Variants in PLCH2 observed in about 807,000 individuals in gnomAD.
The protein encoded by PLCH2 is 1-phosphatidylinositol 4,5-bisphosphate phosphodiesterase eta-2.
Under a neutral mutation model 134.7 loss-of-function variants are expected in PLCH2, and 98 were observed. That is an observed-to-expected ratio of 0.73 (90% CI 0.62 to 0.86). The LOEUF (loss-of-function observed/expected upper bound fraction) is 0.86. Ranked by LOEUF, PLCH2 falls within the 40% of genes least tolerant of loss-of-function variation. The pLI, the probability that PLCH2 is intolerant of heterozygous loss-of-function variation, is 0.00. For synonymous variants in PLCH2, 974 were observed against 827.5 expected, an observed-to-expected ratio of 1.18 and a Z score of -3.04; for missense variants, 1,994 against 1,986.6, an observed-to-expected ratio of 1.00 and a Z score of -0.07.
At chr1:2,502,749 C>T (rs1173424593) in intron 21 of PLCH2, 13 of 716,330 alleles carry the variant, frequency 1.8e-5, no homozygotes, top group Non-Finnish European at 3.1e-5. Context: ...GGCTCCATGT[C>T]CTCGGACTCC....
chr1:2,450,507 C>T (rs12730817), intron 2 of PLCH2, among the ~76,000 whole-genome samples: 1 of 147,868 alleles, frequency 6.8e-6, no homozygotes, highest in African/African-American at 2.5e-5. Flanking sequence ...ATACAGCCTG[C>T]CCCCAACTCC....
intron 2 of PLCH2, among the ~76,000 whole-genome samples, chr1:2,457,358 G>T (rs1640544634): frequency 6.6e-6 from 1 of 152,184 alleles, no homozygotes; most frequent in Non-Finnish European, 1.5e-5. Context: ...GAGTGGCCAG[G>T]GGCTGGGGGG....
At chr1:2,501,976 C>T (rs974313115) in intron 20 of PLCH2, 136 bp from the exon 21 acceptor site, 4 of 757,092 alleles carry the variant, frequency 5.3e-6, no homozygotes, top group Non-Finnish European at 6.0e-6. Flanking sequence ...ACACCCCCAG[C>T]CTGAGGTGGC....
chr1:2,494,855 G>A lies in PLCH2; in HGVS notation c.1660-1G>A. The stretch of plus-strand genomic sequence containing the variant: ...TGTCCCTGTCTCTCCCCTGGACTCA[G>A]AGCAAGGCTGAAGAGGACGTGGAGT... On this transcript the variant is annotated splice_acceptor_variant, in intron 11 of 21. Transcript: ENST00000378486. LOFTEE classifies it high-confidence loss of function. 1.2e-6 allele frequency: 2 copies of A among 1,602,120 alleles called. No individual in the cohort carries two copies. The highest frequency in any genetic ancestry group is 1.7e-5 in the Admixed American group (1 of 58,914).
At chr1:2,463,880 A>C (rs1370233676), upstream of PLCH2, among the ~76,000 whole-genome samples, 3 of 152,272 alleles carry the variant, frequency 2.0e-5, no homozygotes, top group African/African-American at 7.2e-5. Context: ...CTGAAGCCGG[A>C]GAGGCAGTGA....
rs1336517897 is a variant in PLCH2, at chr1:2,491,294, T to TC, written c.1620dup (p.Val541ArgfsTer17). On this transcript the variant is annotated frameshift_variant, in exon 11 of 22. Coordinates refer to ENST00000378486, the MANE Select transcript of PLCH2 (RefSeq NM_014638.4). LOFTEE classifies it high-confidence loss of function. ...GGACTGTGAGGACCCCAACAACTTCTCCGTCTCCACACTGTCCCCATCTGG... is the reference window on the plus strand; with the variant it reads ...GGACTGTGAGGACCCCAACAACTTCTCCCGTCTCCACACTGTCCCCATCTGG... 1 of 1,613,262 alleles carries TC rather than the reference T, an allele frequency of 6.2e-7. No individual in the cohort carries two copies. The highest frequency in any genetic ancestry group is 8.5e-7 in the Non-Finnish European group (1 of 1,179,846).
intron 5 of PLCH2, 44 bp from the exon 6 acceptor site, chr1:2,486,863 G>T: frequency 1.3e-6 from 2 of 1,496,856 alleles, no homozygotes; most frequent in Non-Finnish European, 9.1e-7. Flanking sequence ...GCTATCCCAG[G>T]CCAGGGATGG....
At chr1:2,423,154 G>A (rs1638602077), upstream of PLCH2, among the ~76,000 whole-genome samples, 1 of 150,726 alleles carries the variant, frequency 6.6e-6, no homozygotes, top group African/African-American at 2.4e-5. Flanking sequence ...TTTTGGAGAG[G>A]GTTTTATTTA....
Position 2,444,090 on chromosome 1 carries a change from C to G in PLCH2, c.115+13461C>G, listed in dbSNP as rs1639824892. Among the ~76,000 whole-genome samples the G allele has an allele frequency of 1.3e-5, 2 of 152,170 alleles. No homozygotes were observed. The highest frequency in any genetic ancestry group is 4.8e-5 in the African/African-American group (2 of 41,462). ...GCCGCCTGGGCTTCAGACTCGGGAG[C>G]GGAGGCTCGGATCGCGGTGGCACGG... On this transcript the variant is annotated intron_variant, in intron 2 of 3. Coordinates refer to the PLCH2 transcript ENST00000609981. This position sits in a 1 kb window ranked among gnomAD's most constrained non-coding sequence, Gnocchi z 4.6.
At chr1:2,482,420 T>C (rs1232229306) in intron 4 of PLCH2, among the ~76,000 whole-genome samples, 2 of 152,122 alleles carry the variant, frequency 1.3e-5, no homozygotes, top group Non-Finnish European at 2.9e-5. Context: ...GTGCAGTGAG[T>C]GGGCACCCCC....
intron 2 of PLCH2, among the ~76,000 whole-genome samples, chr1:2,459,790 G>C (rs549048146): frequency 6.6e-6 from 1 of 152,240 alleles, no homozygotes; most frequent in Non-Finnish European, 1.5e-5. Flanking sequence ...CAGTGCTGGC[G>C]CGTGGGGAAT....
At chr1:2,438,010 A>G (rs1236703871) in intron 2 of PLCH2, among the ~76,000 whole-genome samples, 1 of 152,188 alleles carries the variant, frequency 6.6e-6, no homozygotes, top group Non-Finnish European at 1.5e-5. Flanking sequence ...AGGTCCCTCC[A>G]GGCCCGCCTG....
chr1:2,440,274 G>C (rs1386497374), intron 2 of PLCH2, among the ~76,000 whole-genome samples: 1 of 152,164 alleles, frequency 6.6e-6, no homozygotes, highest in Admixed American at 6.5e-5. Context: ...TGGGAGGGCT[G>C]GAGCTGGGGA....
intron 2 of PLCH2, among the ~76,000 whole-genome samples, chr1:2,438,189 G>A (rs1189347661): frequency 6.6e-6 from 1 of 152,252 alleles, no homozygotes; most frequent in Non-Finnish European, 1.5e-5. Flanking sequence ...CCGTGGAAAT[G>A]AGCAAGCGCG....
Position 2,448,869 on chromosome 1 carries a change from C to A in PLCH2, c.115+18240C>A, listed in dbSNP as rs1318877292. Among the ~76,000 whole-genome samples, 1 of 152,236 alleles carries A rather than the reference C, an allele frequency of 6.6e-6. No homozygotes were observed. The highest frequency in any genetic ancestry group is 1.5e-5 in the Non-Finnish European group (1 of 68,042). On this transcript the variant is annotated intron_variant, in intron 2 of 3. Transcript: ENST00000609981. The surrounding 1 kb of genome is among the most constrained non-coding windows in gnomAD (Gnocchi z 4.0). ...TTAGGGAGCGGCTGCTCCTGGTTCC[C>A]AACCACAAGTCACATCACTGCTGCC... is the stretch of plus-strand genomic sequence containing the variant.
At chr1:2,440,478 G>A (rs940484675) in intron 2 of PLCH2, among the ~76,000 whole-genome samples, 4 of 149,858 alleles carry the variant, frequency 2.7e-5, no homozygotes, top group African/African-American at 7.4e-5. Context: ...CATGTCTGTC[G>A]CTGGCCTTGC....
Position 2,504,001 on chromosome 1 carries a change from C to T in PLCH2, c.3039C>T (p.Gly1013=). The change falls in exon 22 of 22, where the codon GGC becomes GGT. Residue 1013 remains glycine, a synonymous_variant. Coordinates refer to ENST00000378486, the MANE Select transcript of PLCH2 (RefSeq NM_014638.4). ...CCATCGCTGAGGAGCCCGCCCCAGG[C>T]CCTGGTCCCCCGCCACCAGCGGCTG... ...LETIAEEPAP[G]PGPPPPAAVP... 1 of 1,523,744 alleles carries T rather than the reference C, an allele frequency of 6.6e-7. No homozygotes were observed. The highest frequency in any genetic ancestry group is 8.9e-7 in the Non-Finnish European group (1 of 1,123,628). The allele number at this position is 1,523,744 out of a possible 1,614,324, so 94.4% of individuals were successfully genotyped here.
chr1:2,432,880 C>T lies in PLCH2; in HGVS notation c.115+2251C>T, dbSNP rs572461458. 1.1e-4 allele frequency among the ~76,000 whole-genome samples: 16 copies of T among 152,292 alleles called. No homozygotes were observed. The East Asian group carries it at 2.5e-3, about 24-fold the overall frequency. On this transcript the variant is annotated intron_variant, in intron 2 of 3. Coordinates refer to the PLCH2 transcript ENST00000609981. ...GAGGCGCCTGGAGGTCTTTCCCGTC[C>T]GTCAGGTGGGGAGGGGTCTGTGGCA...
intron 1 of PLCH2, among the ~76,000 whole-genome samples, chr1:2,468,934 G>C (rs1409442187): frequency 2.0e-5 from 3 of 152,176 alleles, no homozygotes; most frequent in African/African-American, 7.2e-5. Context: ...GGCCTGTGCA[G>C]CTGCTCCAGG....
Sources: gnomAD v4.1 joint callset for allele counts (sites outside exome capture counted in the v4.1 genomes callset) on GRCh38, gnomAD v4.1.1 for gene constraint, Gnocchi (gnomAD v3.1) non-coding constraint, MANE v1.5 for transcripts, NCBI Gene and HGNC (gene_info 2026-07-23, HGNC 2026-07-21) for gene names.